ENDOV: variants seen among roughly 807,000 people sequenced by gnomAD.
The protein encoded by ENDOV is endonuclease V, also known as hEndoV.
ENDOV carries 37 observed loss-of-function variants against 39.4 expected under a neutral mutation model. The ratio of observed to expected loss-of-function variants is 0.94; its 90% CI spans 0.72 to 1.23. The LOEUF is 1.23. Ranked by LOEUF, ENDOV falls within the 50% of genes most tolerant of loss-of-function variation. The probability of loss-of-function intolerance (pLI) is 0.00; values close to 1 mark genes in which losing one functional copy is unlikely to be tolerated. For synonymous variants in ENDOV, 186 were observed against 163.4 expected, an observed-to-expected ratio of 1.14 and a Z score of -1.05; for missense variants, 441 against 375.7, an observed-to-expected ratio of 1.17 and a Z score of -1.44.
chr17:80,424,572 G>A (rs537129744), intron 5 of ENDOV, among the ~76,000 whole-genome samples: 17 of 152,316 alleles, frequency 1.1e-4, no homozygotes, highest in East Asian at 7.7e-4. Context: ...GCTCAGTGTC[G>A]TCTCAGGTGG....
At chr17:80,434,818 C>T (rs1443031180) in intron 9 of ENDOV, among the ~76,000 whole-genome samples, 1 of 152,130 alleles carries the variant, frequency 6.6e-6, no homozygotes, top group Non-Finnish European at 1.5e-5. Context: ...TGGTGATGCA[C>T]TCCTATAATC....
In ENDOV at chr17:80,436,503, A is replaced by C. The variant is rs1186524515; in HGVS notation, c.*360A>C. 4 of 566,052 alleles carry C rather than the reference A, an allele frequency of 7.1e-6. No individual in the cohort carries two copies. The highest frequency in any genetic ancestry group is 1.1e-5 in the Non-Finnish European group (4 of 375,850). 35.1% of individuals were successfully genotyped at this position (566,052 alleles called of 1,614,324 possible). ...CTTAAAGGGTACTGGATTTTGTCAAATGCTTTTCTGGCCTCTATTGAAAAG... is the reference window on the plus strand; with the variant it reads ...CTTAAAGGGTACTGGATTTTGTCAACTGCTTTTCTGGCCTCTATTGAAAAG... On this transcript the variant is annotated 3_prime_UTR_variant, in exon 10 of 10. Transcript: ENST00000518137.
Position 80,423,550 on chromosome 17 carries a change from T to C in ENDOV, c.434T>C (p.Leu145Pro). The C allele has an allele frequency of 2.0e-6, 3 of 1,500,436 alleles. No homozygotes were observed. Among genetic ancestry groups the C allele is most frequent in the Non-Finnish European group, 2.7e-6 (3 of 1,114,004 alleles). 92.9% of individuals were successfully genotyped at this position (1,500,436 alleles called of 1,614,324 possible). ...GFGVACHLGV[L>P]TDLPCVGVAK... Reference sequence around the variant, plus strand: ...GGGGTGGCCTGCCACCTTGGCGTCCTTACAGACCTGCCGTGTGTTGGGGTG... The same window carrying C: ...GGGGTGGCCTGCCACCTTGGCGTCCCTACAGACCTGCCGTGTGTTGGGGTG... Residue 145 changes from leucine to proline, a missense_variant, in exon 5 of 10, where the codon CTT becomes CCT. Leu to Pro is a moderately conservative substitution (Grantham distance 98). Coordinates refer to ENST00000518137, the MANE Select transcript of ENDOV (RefSeq NM_173627.5).
chr17:80,423,690 C>A, intron 5 of ENDOV, 58 bp downstream of exon 5: 5 of 1,499,206 alleles, frequency 3.3e-6, no homozygotes, highest in Non-Finnish European at 4.5e-6. Context: ...GCTGTGGTGG[C>A]CCTGGGCATG....
At chr17:80,433,955 A>G (rs542354321) in intron 9 of ENDOV, among the ~76,000 whole-genome samples, 7 of 152,336 alleles carry the variant, frequency 4.6e-5, no homozygotes, top group African/African-American at 1.7e-4. Context: ...ACTACAACTC[A>G]TTGACTTTTG....
chr17:80,429,162 C>T (rs2083100628), intron 8 of ENDOV, among the ~76,000 whole-genome samples: 1 of 152,206 alleles, frequency 6.6e-6, no homozygotes, highest in Non-Finnish European at 1.5e-5. Flanking sequence ...GCACAGTCAC[C>T]GCTAACAGTG....
At chr17:80,428,248 G>C (rs1221984235) in intron 7 of ENDOV, among the ~76,000 whole-genome samples, 1 of 152,238 alleles carries the variant, frequency 6.6e-6, no homozygotes, top group Non-Finnish European at 1.5e-5. Context: ...CTACAGGGAA[G>C]CACAGACTGG....
At chr17:80,430,070 G>A (rs1304101649) in intron 9 of ENDOV, 1 of 1,535,742 alleles carries the variant, frequency 6.5e-7, no homozygotes. Flanking sequence ...AAGACAGGCT[G>A]ACCGCACCAC....
At chr17:80,425,643 G>A (rs760904521) in intron 7 of ENDOV, 23 bp downstream of exon 7, 2 of 1,560,146 alleles carry the variant, frequency 1.3e-6, no homozygotes, top group Non-Finnish European at 1.7e-6. Flanking sequence ...GGGATGCGGG[G>A]AGGCAGCACA....
chr17:80,425,617 C>A lies in ENDOV; in HGVS notation c.711C>A (p.Arg237=). 6.3e-7 allele frequency: 1 copy of A among 1,581,544 alleles called. No individual in the cohort carries two copies. Among genetic ancestry groups the A allele is most frequent in the Non-Finnish European group, 8.5e-7 (1 of 1,170,360 alleles). The change falls in exon 7 of 10, where the codon CGC becomes CGA. Residue 237 remains arginine (R), a synonymous_variant. Coordinates refer to ENST00000518137, the MANE Select transcript of ENDOV (RefSeq NM_173627.5). ...GGTTCCGGATCCCAGAGCCCGTGCGCCAGGTGGGTGTGCTGGGGATGCGGG... is the reference window on the plus strand; with the variant it reads ...GGTTCCGGATCCCAGAGCCCGTGCGACAGGTGGGTGTGCTGGGGATGCGGG... ...CCRFRIPEPV[R]QADICSREHI...
chr17:80,437,346 C>T lies in ENDOV; in HGVS notation c.*1203C>T, dbSNP rs2145164992. On this transcript the variant is annotated 3_prime_UTR_variant, in exon 10 of 10. Transcript: ENST00000518137. ...TCCCCAAAGACCGGGCAGTTCCTGA[C>T]CAGCACCCCACCAAGTCCTCAGTAA... 1 of 152,812 alleles carries T rather than the reference C, an allele frequency of 6.5e-6. No individual in the cohort carries two copies. Among genetic ancestry groups the T allele is most frequent in the Non-Finnish European group, 1.5e-5 (1 of 68,108 alleles). 9.5% of individuals were successfully genotyped at this position (152,812 alleles called of 1,614,324 possible). A position where few individuals can be genotyped will look rare whatever the true frequency, so the allele number is the denominator to read the frequency against.
At position 80,430,409 on chromosome 17, in the gene ENDOV, C is replaced by T. The variant is rs1192408672; in HGVS notation, c.838+578C>T. On this transcript the variant is annotated intron_variant, in intron 9 of 9. Coordinates refer to ENST00000518137, the MANE Select transcript of ENDOV (RefSeq NM_173627.5). Reference sequence around the variant, plus strand: ...TTTGTTTATTTATTTCCATTGATCTCTTTACCCTGAGGTTTACTTGCAAAA... The same window carrying T: ...TTTGTTTATTTATTTCCATTGATCTTTTTACCCTGAGGTTTACTTGCAAAA... 5 of 1,480,616 alleles carry T rather than the reference C, an allele frequency of 3.4e-6. No homozygotes were observed. The East Asian group carries it at 1.3e-4, about 39-fold the overall frequency. The allele number at this position is 1,480,616 out of a possible 1,614,324, so 91.7% of individuals were successfully genotyped here.
chr17:80,419,841 G>T, intron 2 of ENDOV: 1 of 604,494 alleles, frequency 1.7e-6, no homozygotes, highest in Non-Finnish European at 3.0e-6. Context: ...TGTCACCCAC[G>T]CCATTTCAGT....
In ENDOV at chr17:80,415,204, G is replaced by A. The variant is rs1317856593; in HGVS notation, c.10G>A (p.Glu4Lys). 1 of 1,613,138 alleles carries A rather than the reference G, an allele frequency of 6.2e-7. No individual in the cohort carries two copies. Among genetic ancestry groups the A allele is most frequent in the African/African-American group, 1.3e-5 (1 of 74,940 alleles). MAL[E>K]AAGGPPEETL... ...TGCCCGGGACGAAGCCATGGCCCTG[G>A]AGGCGGCGGGAGGGCCGCCGGAGGA... Residue 4 changes from glutamate (E) to lysine (K), a missense_variant, in exon 1 of 10, where the codon GAG (glutamate) becomes AAG (lysine). Transcript: ENST00000518137.
At position 80,415,175 on chromosome 17, in the gene ENDOV, G is replaced by C. The variant is rs554256400; in HGVS notation, c.-20G>C. 36 of 1,612,314 alleles carry C rather than the reference G, an allele frequency of 2.2e-5. No homozygotes were observed. The highest frequency in any genetic ancestry group is 3.1e-5 in the Non-Finnish European group (36 of 1,179,374). ...TCGCTTCCGGAAGTGACGTGCGGAAGGGGTGCCCGGGACGAAGCCATGGCC... is the reference window on the plus strand; with the variant it reads ...TCGCTTCCGGAAGTGACGTGCGGAACGGGTGCCCGGGACGAAGCCATGGCC... On this transcript the variant is annotated 5_prime_UTR_variant, in exon 1 of 10. Transcript: ENST00000518137.
chr17:80,415,367 C>T, intron 1 of ENDOV, 117 bp downstream of exon 1: 1 of 1,273,948 alleles, frequency 7.8e-7, no homozygotes. Context: ...CCCGAGACTC[C>T]AAAGCAAAGC....
chr17:80,418,221 A>C (rs2144826076), intron 2 of ENDOV: 1 of 152,276 alleles, frequency 6.6e-6, no homozygotes, highest in South Asian at 2.1e-4. Flanking sequence ...TGAGGATGAT[A>C]GTGGTATTAA....
chr17:80,416,675 C>G (rs967469095), intron 2 of ENDOV, among the ~76,000 whole-genome samples: 5 of 151,956 alleles, frequency 3.3e-5, no homozygotes, highest in Admixed American at 3.3e-4. Context: ...GTATTTTCCT[C>G]AAAAGCAACA....
chr17:80,429,702 A>G (rs967632075), intron 8 of ENDOV, 71 bp from the exon 9 acceptor site: 1 of 1,448,212 alleles, frequency 6.9e-7, no homozygotes, highest in Non-Finnish European at 9.4e-7. Context: ...CCCAGACCCC[A>G]TCTGGGGTGT....
Sources: gnomAD v4.1 joint callset for allele counts (sites outside exome capture counted in the v4.1 genomes callset) on GRCh38, gnomAD v4.1.1 for gene constraint, MANE v1.5 for transcripts, NCBI Gene and HGNC (gene_info 2026-07-23, HGNC 2026-07-21) for gene names.